ATOH8: variants seen among roughly 807,000 people sequenced by gnomAD.
ATOH8 encodes transcription factor ATOH8.
ATOH8 carries 9 observed loss-of-function variants against 21.2 expected under a neutral mutation model. The observed-to-expected ratio is 0.42, with a 90% CI of 0.26 to 0.74. ATOH8 has a LOEUF of 0.74. Ranked by LOEUF, ATOH8 falls within the 30% of genes least tolerant of loss-of-function variation. ATOH8 has a pLI of 0.24. For synonymous variants in ATOH8, 253 were observed against 224.0 expected (o/e 1.13, Z -1.16); for missense variants, 524 against 470.9 (o/e 1.11, Z -1.04).
chr2:85,755,898 G>GT (rs111871657), intron 1 of ATOH8, among the ~76,000 whole-genome samples: 267 of 149,124 alleles, frequency 1.8e-3, no homozygotes, highest in Admixed American at 3.3e-3. Flanking sequence ...TTTGAAGGGT[G>GT]TTTTTTTTTT....
chr2:85,772,410 G>GC (rs1296519406), intron 2 of ATOH8, among the ~76,000 whole-genome samples: 1 of 151,822 alleles, frequency 6.6e-6, no homozygotes, highest in Non-Finnish European at 1.5e-5. Context: ...GGCCGCCGCG[G>GC]CCCCCCCTCC....
chr2:85,781,667 T>G (rs1022334256), intron 2 of ATOH8, among the ~76,000 whole-genome samples: 2 of 151,842 alleles, frequency 1.3e-5, no homozygotes, highest in Non-Finnish European at 2.9e-5. Flanking sequence ...CTTGAGCCCT[T>G]AAGTTTGAGA....
rs1051058591 is a variant in ATOH8, at chr2:85,785,478, T to A, written c.961-1407T>A. Reference sequence around the variant, plus strand: ...TATTAGCTGGAGAGCACTCCCTCCCTCTGGCCCGGCTCCCTCGCCCTCCTT... The same window carrying A: ...TATTAGCTGGAGAGCACTCCCTCCCACTGGCCCGGCTCCCTCGCCCTCCTT... On this transcript the variant is annotated intron_variant, in intron 2 of 2. Coordinates refer to ENST00000306279, the MANE Select transcript of ATOH8 (RefSeq NM_032827.7). The surrounding 1 kb of genome is among the most constrained non-coding windows in gnomAD (Gnocchi z 4.1). 2.0e-5 allele frequency among the ~76,000 whole-genome samples: 3 copies of A among 152,226 alleles called. No individual in the cohort carries two copies. Among genetic ancestry groups the A allele is most frequent in the African/African-American group, 4.8e-5 (2 of 41,458 alleles).
At chr2:85,762,566 C>T (rs1053843174) in intron 1 of ATOH8, among the ~76,000 whole-genome samples, 2 of 152,072 alleles carry the variant, frequency 1.3e-5, no homozygotes, top group Non-Finnish European at 2.9e-5. Context: ...TAAGGACAGA[C>T]GGGGTGCTAT....
At chr2:85,759,661 G>A (rs1235802657) in intron 1 of ATOH8, among the ~76,000 whole-genome samples, 2 of 152,182 alleles carry the variant, frequency 1.3e-5, no homozygotes. Flanking sequence ...GCTCTGGGTA[G>A]AGTGGATTCA....
At position 85,785,063 on chromosome 2, in the gene ATOH8, C is replaced by T. The variant is rs1398085793; in HGVS notation, c.961-1822C>T. Among the ~76,000 whole-genome samples the T allele has an allele frequency of 6.6e-6, 1 of 152,248 alleles. No individual in the cohort carries two copies. Among genetic ancestry groups the T allele is most frequent in the Non-Finnish European group, 1.5e-5 (1 of 68,040 alleles). ...CTGTGGCTTCAGCGGGGACTAAGAG[C>T]CAACAGACGGCTTGGGGCTGGCCCC... is the stretch of plus-strand genomic sequence containing the variant. On this transcript the variant is annotated intron_variant, in intron 2 of 2. Transcript: ENST00000306279. This position sits in a 1 kb window ranked among gnomAD's most constrained non-coding sequence, Gnocchi z 4.1.
intron 1 of ATOH8, among the ~76,000 whole-genome samples, chr2:85,762,873 T>C (rs1573524067): frequency 6.6e-6 from 1 of 152,262 alleles, no homozygotes; most frequent in African/African-American, 2.4e-5. Flanking sequence ...CCCACTCCCC[T>C]GTCCCTAGGG....
chr2:85,784,967 G>A (rs1396241705), intron 2 of ATOH8, among the ~76,000 whole-genome samples: 1 of 152,236 alleles, frequency 6.6e-6, no homozygotes, highest in Non-Finnish European at 1.5e-5. Context: ...GCCAGGAAAA[G>A]GGTGAGGTCG....
rs1365910101 is a variant in ATOH8 at position 85,788,055 on chromosome 2, A to G, written c.*1165A>G. On this transcript the variant is annotated 3_prime_UTR_variant, in exon 3 of 3. Coordinates refer to ENST00000306279, the MANE Select transcript of ATOH8 (RefSeq NM_032827.7). ...TTCAAATTGAAGTAAAAGCCCCAAA[A>G]TGTCAAGAAAATACTTGTGTTGAGT... 1 of 152,586 alleles carries G rather than the reference A, an allele frequency of 6.6e-6. No homozygotes were observed. Among genetic ancestry groups the G allele is most frequent in the African/African-American group, 2.4e-5 (1 of 41,440 alleles). The allele number at this position is 152,586 out of a possible 1,614,324, so 9.5% of individuals were successfully genotyped here.
intron 2 of ATOH8, chr2:85,775,006 G>A: frequency 1.0e-6 from 1 of 985,422 alleles, no homozygotes; most frequent in East Asian, 1.1e-4. Flanking sequence ...ATTCAGGAGA[G>A]CATCATGTGA....
At chr2:85,757,052 A>G (rs1679724025) in intron 1 of ATOH8, among the ~76,000 whole-genome samples, 1 of 152,092 alleles carries the variant, frequency 6.6e-6, no homozygotes. Context: ...ACAGGCAGGT[A>G]CACACACACA....
intron 1 of ATOH8, among the ~76,000 whole-genome samples, chr2:85,757,485 G>C (rs1679741661): frequency 6.6e-6 from 1 of 152,258 alleles, no homozygotes; most frequent in African/African-American, 2.4e-5. Context: ...CTGAAATGGG[G>C]CCTTGGCCAG....
chr2:85,754,685 T>C lies in ATOH8; in HGVS notation c.496T>C (p.Ser166Pro). 6.3e-7 allele frequency: 1 copy of C among 1,583,090 alleles called. No homozygotes were observed. Among genetic ancestry groups the C allele is most frequent in the African/African-American group, 1.4e-5 (1 of 73,770 alleles). The change falls in exon 1 of 3, where the codon TCA becomes CCA. Residue 166 changes from serine to proline, a missense_variant. Transcript: ENST00000306279. ...LCAPPARPAP[S>P]APPAPPAPPE... ...CGCACCGCCCGCGCGCCCCGCGCCG[T>C]CAGCACCCCCAGCACCGCCAGCGCC...
chr2:85,759,333 C>T (rs1157547152), intron 1 of ATOH8, among the ~76,000 whole-genome samples: 1 of 152,188 alleles, frequency 6.6e-6, no homozygotes, highest in African/African-American at 2.4e-5. Flanking sequence ...AGAGGCCTTC[C>T]TCCTGTTCCA....
In ATOH8 at chr2:85,787,081, C is replaced by A; in HGVS notation, c.*191C>A. ...CCCCTCCGCCCTCACCCAGCCAATC[C>A]GAGGCTGCTTCGCACTTTGCCCTCT... On this transcript the variant is annotated 3_prime_UTR_variant, in exon 3 of 3. Transcript: ENST00000306279. 1.5e-6 allele frequency: 1 copy of A among 681,674 alleles called. No homozygotes were observed. The highest frequency in any genetic ancestry group is 2.4e-6 in the Non-Finnish European group (1 of 411,090). The allele number at this position is 681,674 out of a possible 1,614,324, so 42.2% of individuals were successfully genotyped here. A position where few individuals can be genotyped will look rare whatever the true frequency, so the allele number is the denominator to read the frequency against.
intron 2 of ATOH8, among the ~76,000 whole-genome samples, chr2:85,786,660 C>G (rs548107572): frequency 2.6e-5 from 4 of 152,322 alleles, no homozygotes; most frequent in Non-Finnish European, 4.4e-5. Context: ...CCCAAACCAA[C>G]CAAAACGCAG....
Position 85,754,924 on chromosome 2 carries a change from C to G in ATOH8, c.735C>G (p.Thr245=). 1 of 1,606,426 alleles carries G rather than the reference C, an allele frequency of 6.2e-7. No homozygotes were observed. The highest frequency in any genetic ancestry group is 8.5e-7 in the Non-Finnish European group (1 of 1,178,970). The stretch of plus-strand genomic sequence containing the variant: ...CCAGGGAGCGGACGCGGGTGCACAC[C>G]ATCAGCGCAGCCTTCGAGGCGCTCA... ...ANARERTRVH[T]ISAAFEALRK... Residue 245 remains threonine (T), a synonymous_variant, in exon 1 of 3, where the codon ACC becomes ACG. Coordinates refer to ENST00000306279, the MANE Select transcript of ATOH8 (RefSeq NM_032827.7).
chr2:85,767,546 T>C (rs564650606), intron 2 of ATOH8, among the ~76,000 whole-genome samples: 1 of 120,352 alleles, frequency 8.3e-6, no homozygotes, highest in South Asian at 3.0e-4. Context: ...CTCAAAGTGC[T>C]TCTTGGTATT....
Position 85,754,405 on chromosome 2 carries a change from ACCGGTG to A in ATOH8, c.225_230del (p.Pro79_Val80del). The stretch of plus-strand genomic sequence containing the variant: ...CCCATCGGCTGCAGCCGGTCCCGGT[ACCGGTG>A]CCGGTGCCAGTCCCAGTGGCGCCGG... On this transcript the variant is annotated inframe_deletion, in exon 1 of 3. Transcript: ENST00000306279. The A allele has an allele frequency of 1.3e-6, 2 of 1,570,514 alleles. No individual in the cohort carries two copies. Among genetic ancestry groups the A allele is most frequent in the South Asian group, 2.3e-5 (2 of 86,930 alleles).
Sources: gnomAD v4.1 joint callset for allele counts (sites outside exome capture counted in the v4.1 genomes callset) on GRCh38, gnomAD v4.1.1 for gene constraint, Gnocchi (gnomAD v3.1) non-coding constraint, MANE v1.5 for transcripts, NCBI Gene and HGNC (gene_info 2026-07-23, HGNC 2026-07-21) for gene names.